EMSY: variants seen among roughly 807,000 people sequenced by gnomAD.
EMSY encodes BRCA2-interacting transcriptional repressor EMSY.
A neutral mutation model predicts 134.6 loss-of-function variants in EMSY; 26 were observed. The observed-to-expected ratio is 0.19, with a 90% confidence interval of 0.14 to 0.27. The LOEUF is 0.27. EMSY is among the 10% of genes least tolerant of loss of function. EMSY has a pLI of 1.00. For synonymous variants in EMSY, 579 were observed against 577.8 expected, an observed-to-expected ratio of 1.00 and a Z score of -0.03; for missense variants, 1,305 against 1,611.4, an observed-to-expected ratio of 0.81 and a Z score of 3.26.
chr11:76,539,113 A>G (rs778804725), intron 16 of EMSY, among the ~76,000 whole-genome samples: 12 of 152,064 alleles, frequency 7.9e-5, no homozygotes, highest in Non-Finnish European at 1.5e-4. Context: ...AACAAGATAG[A>G]TTGTTTCTCT....
chr11:76,531,711 A>C (rs906003448), intron 14 of EMSY, among the ~76,000 whole-genome samples: 4 of 152,152 alleles, frequency 2.6e-5, no homozygotes, highest in African/African-American at 7.2e-5. Flanking sequence ...TCCTCATCAA[A>C]CACTTATCCA....
intron 8 of EMSY, among the ~76,000 whole-genome samples, chr11:76,473,121 C>T (rs936343798): frequency 4.6e-5 from 7 of 151,996 alleles, no homozygotes; most frequent in Non-Finnish European, 8.8e-5. Flanking sequence ...TTTCAAAGGG[C>T]TGTACAAATA....
intron 8 of EMSY, among the ~76,000 whole-genome samples, chr11:76,481,423 G>A (rs1353854573): frequency 6.6e-6 from 1 of 152,152 alleles, no homozygotes; most frequent in African/African-American, 2.4e-5. Context: ...AAAGGGAGCT[G>A]AAGCCAGGGA....
At chr11:76,483,850 A>G (rs140840585) in intron 8 of EMSY, among the ~76,000 whole-genome samples, 4,042 of 152,276 alleles carry the variant, frequency 0.027, 222 homozygotes, top group Admixed American at 0.12. Context: ...CGAGACAGAA[A>G]ATTAACAAGG....
chr11:76,525,429 G>A (rs1590974651), intron 12 of EMSY, among the ~76,000 whole-genome samples: 1 of 152,138 alleles, frequency 6.6e-6, no homozygotes, highest in Non-Finnish European at 1.5e-5. Context: ...TGTTTTTACT[G>A]GCTGCTAAGT....
chr11:76,547,151 A>G, intron 20 of EMSY: 1 of 436,088 alleles, frequency 2.3e-6, no homozygotes, highest in Non-Finnish European at 4.5e-6. Context: ...ACAGATATAT[A>G]GCTTGGAAGG....
exon 17 of EMSY, chr11:76,539,612 G>C: frequency 6.2e-7 from 1 of 1,613,858 alleles, no homozygotes; most frequent in African/African-American, 1.3e-5. Flanking sequence ...GCACTGATGA[G>C]GGGACAGAGG....
chr11:76,551,387 A>G (rs1057273912), exon 21 of EMSY: 7 of 152,718 alleles, frequency 4.6e-5, no homozygotes, highest in African/African-American at 1.7e-4. Flanking sequence ...AAGACTGACA[A>G]ATGTTGAACT....
chr11:76,550,257 C>A, exon 21 of EMSY: 1 of 802,426 alleles, frequency 1.2e-6, no homozygotes, highest in Non-Finnish European at 1.7e-6. Flanking sequence ...AGGCTGTGGA[C>A]CCTAAAACAG....
At chr11:76,462,427 C>T (rs888697649) in intron 6 of EMSY, among the ~76,000 whole-genome samples, 11 of 152,182 alleles carry the variant, frequency 7.2e-5, no homozygotes, top group Non-Finnish European at 1.3e-4. Context: ...AGGCACTATA[C>T]TGGGGAAACA....
At chr11:76,523,403 T>A (rs769331472) in intron 12 of EMSY, 112 bp downstream of exon 13, 25 of 1,210,806 alleles carry the variant, frequency 2.1e-5, no homozygotes, top group Non-Finnish European at 2.5e-5. Flanking sequence ...AATGGCTTGG[T>A]TTACCACTGC....
chr11:76,491,842 T>C (rs1949438124), intron 8 of EMSY, among the ~76,000 whole-genome samples: 2 of 152,374 alleles, frequency 1.3e-5, no homozygotes, highest in Admixed American at 1.3e-4. Flanking sequence ...ACTACTCTTC[T>C]GCTTAGCTGC....
intron 8 of EMSY, among the ~76,000 whole-genome samples, chr11:76,495,796 G>A (rs1306606271): frequency 6.6e-6 from 1 of 151,886 alleles, no homozygotes; most frequent in Non-Finnish European, 1.5e-5. Context: ...ATTAGAACCT[G>A]AAAAATAATA....
intron 17 of EMSY, chr11:76,542,002 T>C: frequency 1.6e-6 from 1 of 622,196 alleles, no homozygotes; most frequent in Non-Finnish European, 2.9e-6. Flanking sequence ...GTTATTCCCA[T>C]TTTGCAGATG....
At chr11:76,526,579 C>T (rs758635885) in exon 13 of EMSY, 6 of 1,613,664 alleles carry the variant, frequency 3.7e-6, no homozygotes, top group Non-Finnish European at 5.1e-6. Context: ...TACAGTTCAA[C>T]CAGCAGCTAA....
rs570177989 is a variant in EMSY at position 76,546,954 on chromosome 11, G to T, written c.3774+657G>T. 35 of 392,482 alleles carry T rather than the reference G, an allele frequency of 8.9e-5. 1 individual carries two copies. The highest frequency in any genetic ancestry group is 6.8e-4 in the South Asian group (35 of 51,130). The allele number at this position is 392,482 out of a possible 1,614,324, so 24.3% of individuals were successfully genotyped here. A position where few individuals can be genotyped will look rare whatever the true frequency, so the allele number is the denominator to read the frequency against. On this transcript the variant is annotated intron_variant, in intron 20 of 20. Transcript: ENST00000334736. ...TAAGTACAGGCTAATTAACACAATA[G>T]AATTATTCATTGATAATAGATGGTA...
At chr11:76,476,452 C>T (rs1379423784) in intron 8 of EMSY, among the ~76,000 whole-genome samples, 4 of 152,094 alleles carry the variant, frequency 2.6e-5, no homozygotes, top group Non-Finnish European at 5.9e-5. Flanking sequence ...ATTGCTTACC[C>T]TGAGGTACAA....
chr11:76,445,607 T>C (rs1947348274), intron 1 of EMSY, among the ~76,000 whole-genome samples: 1 of 151,860 alleles, frequency 6.6e-6, no homozygotes, highest in Non-Finnish European at 1.5e-5. Flanking sequence ...GACACTTGAG[T>C]GGGGAAGGAT....
intron 2 of EMSY, among the ~76,000 whole-genome samples, chr11:76,451,250 G>A (rs751612420): frequency 3.9e-5 from 6 of 152,072 alleles, no homozygotes; most frequent in Non-Finnish European, 5.9e-5. Context: ...TTATAGATGC[G>A]GAGGATCTTG....
Sources: gnomAD v4.1 joint callset for allele counts (sites outside exome capture counted in the v4.1 genomes callset) on GRCh38, gnomAD v4.1.1 for gene constraint, MANE v1.5 for transcripts, NCBI Gene and HGNC (gene_info 2026-07-23, HGNC 2026-07-21) for gene names.